Variants in AKAP12 observed in about 807,000 individuals in gnomAD.
AKAP12 encodes the protein A-kinase anchoring protein 12.
In AKAP12, 32 loss-of-function variants were observed where a neutral mutation model predicts 79.9. That is an observed-to-expected ratio of 0.40 (90% confidence interval 0.30 to 0.54). The LOEUF is 0.54. AKAP12 is among the 20% of genes least tolerant of loss of function. The pLI is 0.48. For synonymous variants in AKAP12, 808 were observed against 857.0 expected, an observed-to-expected ratio of 0.94 and a Z score of 1.00; for missense variants, 2,074 against 2,177.0, an observed-to-expected ratio of 0.95 and a Z score of 0.94.
chr6:151,259,174 A>T (rs1277630219), intron 2 of AKAP12, among the ~76,000 whole-genome samples: 1 of 151,104 alleles, frequency 6.6e-6, no homozygotes, highest in Non-Finnish European at 1.5e-5. Context: ...CTTCCCAAGT[A>T]GCTGGGATTA....
intron 3 of AKAP12, among the ~76,000 whole-genome samples, chr6:151,310,062 G>C (rs2294797): frequency 0.29 from 44,184 of 151,492 alleles, 6,568 homozygotes; most frequent in Admixed American, 0.35. Flanking sequence ...TCTTCTCTTT[G>C]TTAAAAACCC....
chr6:151,308,979 A>G (rs1007072770), intron 3 of AKAP12, among the ~76,000 whole-genome samples: 2 of 152,038 alleles, frequency 1.3e-5, no homozygotes, highest in African/African-American at 2.4e-5. Context: ...GGTTCAAGCA[A>G]TTGTCCTGCC....
chr6:151,321,565 A>G (rs1404417173), intron 3 of AKAP12, among the ~76,000 whole-genome samples: 3 of 151,938 alleles, frequency 2.0e-5, no homozygotes, highest in African/African-American at 7.3e-5. Context: ...AACAAGCTCA[A>G]TTTTATTTAT....
intron 2 of AKAP12, among the ~76,000 whole-genome samples, chr6:151,249,987 A>G (rs932214347): frequency 2.6e-5 from 4 of 152,138 alleles, no homozygotes; most frequent in African/African-American, 4.8e-5. Context: ...GCTCATGCCT[A>G]TAATCCCAGC....
In AKAP12 at chr6:151,356,906, T is replaced by C. The variant is rs1271475053; in HGVS notation, c.*1192T>C. On this transcript the variant is annotated 3_prime_UTR_variant, in exon 5 of 5. Coordinates refer to ENST00000402676, the MANE Select transcript of AKAP12 (RefSeq NM_005100.4). ...CATGAAACCCCTTGTCACTGGTTTG[T>C]GTGTTCAGAGGAAGCCATGGCCGAG... 2 of 152,232 alleles carry C rather than the reference T, an allele frequency of 1.3e-5. No individual in the cohort carries two copies. Among genetic ancestry groups the C allele is most frequent in the Non-Finnish European group, 2.9e-5 (2 of 68,036 alleles). 9.4% of individuals were successfully genotyped at this position (152,232 alleles called of 1,614,324 possible). A position where few individuals can be genotyped will look rare whatever the true frequency, so the allele number is the denominator to read the frequency against.
At chr6:151,265,654 A>G (rs558805662) in intron 2 of AKAP12, among the ~76,000 whole-genome samples, 175 of 152,388 alleles carry the variant, frequency 1.1e-3, no homozygotes, top group Middle Eastern at 3.4e-3. Context: ...TTTAAATTCA[A>G]TATTTTAAAA....
intron 3 of AKAP12, among the ~76,000 whole-genome samples, chr6:151,310,389 A>C (rs1317950939): frequency 6.6e-6 from 1 of 151,938 alleles, no homozygotes; most frequent in African/African-American, 2.4e-5. Flanking sequence ...AACAAAACAG[A>C]AACCCAAACA....
intron 2 of AKAP12, among the ~76,000 whole-genome samples, chr6:151,251,861 G>A (rs1473102250): frequency 6.6e-6 from 1 of 152,126 alleles, no homozygotes; most frequent in African/African-American, 2.4e-5. Context: ...GCCAGGCATG[G>A]TGGCACGCGC....
chr6:151,305,646 A>G, intron 2 of AKAP12, 101 bp from the exon 3 acceptor site: 1 of 1,198,924 alleles, frequency 8.3e-7, no homozygotes, highest in South Asian at 1.6e-5. Context: ...TTTTCTCTGT[A>G]TTTCTTCTTT....
chr6:151,312,842 G>A (rs372491517), intron 3 of AKAP12, among the ~76,000 whole-genome samples: 3 of 150,862 alleles, frequency 2.0e-5, no homozygotes, highest in East Asian at 3.9e-4. Flanking sequence ...TCTTGGGATG[G>A]GGATTCGGAG....
intron 2 of AKAP12, among the ~76,000 whole-genome samples, chr6:151,297,347 C>T (rs1050905512): frequency 2.0e-5 from 3 of 151,776 alleles, no homozygotes; most frequent in Admixed American, 6.6e-5. Context: ...GAGGCCGAGG[C>T]GGGTGGATCA....
At chr6:151,330,191 G>A (rs1256553786) in intron 3 of AKAP12, among the ~76,000 whole-genome samples, 8 of 152,156 alleles carry the variant, frequency 5.3e-5, no homozygotes, top group African/African-American at 1.2e-4. Context: ...GTGCATGGTG[G>A]CACATGCCTG....
rs1562752846 is a variant in AKAP12 at position 151,349,662 on chromosome 6, T to C, written c.1271T>C (p.Val424Ala). The change falls in exon 4 of 5, where the codon GTG becomes GCG. Residue 424 changes from valine to alanine, a missense_variant. Coordinates refer to ENST00000402676, the MANE Select transcript of AKAP12 (RefSeq NM_005100.4). ...GTGGCCGAAGTCCACGTCAGCACCG[T>C]GGAGGAGAGAACCGAAGAGCAGAAA... is the stretch of plus-strand genomic sequence containing the variant. ...EVVAEVHVSTVEERTEEQKTE... is the reference protein window; with the variant it reads ...EVVAEVHVSTAEERTEEQKTE... The C allele has an allele frequency of 1.2e-6, 2 of 1,613,274 alleles. No homozygotes were observed. Among genetic ancestry groups the C allele is most frequent in the South Asian group, 2.2e-5 (2 of 90,968 alleles).
At chr6:151,245,066 G>A (rs1797044387) in intron 2 of AKAP12, among the ~76,000 whole-genome samples, 1 of 152,102 alleles carries the variant, frequency 6.6e-6, no homozygotes, top group African/African-American at 2.4e-5. Flanking sequence ...GATCTTGTAA[G>A]ATAATTAACA....
intron 3 of AKAP12, among the ~76,000 whole-genome samples, chr6:151,332,454 C>T (rs1777701073): frequency 6.6e-6 from 1 of 152,096 alleles, no homozygotes; most frequent in Admixed American, 6.6e-5. Context: ...CATATCTTTT[C>T]CAAGTAATGT....
At chr6:151,266,559 A>G (rs1776030797) in intron 2 of AKAP12, among the ~76,000 whole-genome samples, 1 of 152,154 alleles carries the variant, frequency 6.6e-6, no homozygotes, top group Non-Finnish European at 1.5e-5. Context: ...TCGAATTATA[A>G]AGCAATTTGG....
Position 151,351,963 on chromosome 6 carries a change from T to C in AKAP12, c.3572T>C (p.Ile1191Thr), listed in dbSNP as rs1481051218. 2 of 1,613,806 alleles carry C rather than the reference T, an allele frequency of 1.2e-6. No individual in the cohort carries two copies. Among genetic ancestry groups the C allele is most frequent in the South Asian group, 1.1e-5 (1 of 91,062 alleles). The change falls in exon 4 of 5, where the codon ATT (isoleucine) becomes ACT (threonine). Residue 1191 changes from isoleucine to threonine, a missense_variant. This residue lies in a region of AKAP12 where 32 missense variants were observed against 60.4 expected (regional missense o/e 0.53). Coordinates refer to ENST00000402676, the MANE Select transcript of AKAP12 (RefSeq NM_005100.4). The surrounding 1 kb of genome is among the most constrained non-coding windows in gnomAD (Gnocchi z 4.4). ...DAPGTTQKDE[I>T]VEIHEENEVA... ...CCAGGCACAACCCAGAAAGACGAGA[T>C]TGTGGAAATCCATGAGGAGAATGAG...
chr6:151,268,272 C>G (rs1195920111), intron 2 of AKAP12, among the ~76,000 whole-genome samples: 1 of 152,050 alleles, frequency 6.6e-6, no homozygotes, highest in Non-Finnish European at 1.5e-5. Context: ...ACAAAATTAG[C>G]CAGGCGTGGT....
chr6:151,348,489 C>T (rs940951022), intron 3 of AKAP12: 9 of 605,570 alleles, frequency 1.5e-5, no homozygotes, highest in Non-Finnish European at 2.7e-5. Context: ...AAATAAAAAA[C>T]TTAGCTGGAC....
Sources: gnomAD v4.1 joint callset for allele counts (sites outside exome capture counted in the v4.1 genomes callset) on GRCh38, gnomAD v4.1.1 for gene constraint, gnomAD v4.1.1 regional missense constraint, Gnocchi (gnomAD v3.1) non-coding constraint, MANE v1.5 for transcripts, NCBI Gene and HGNC (gene_info 2026-07-23, HGNC 2026-07-21) for gene names.